Variants in CRYAB observed in about 807,000 individuals in gnomAD.
CRYAB encodes crystallin alpha B.
CRYAB carries 9 observed loss-of-function variants against 12.7 expected under a neutral mutation model. That is an observed-to-expected ratio of 0.71 (90% CI 0.43 to 1.24). The LOEUF is 1.24. Among genes scored for constraint, CRYAB ranks in the 50% most tolerant of loss-of-function variants. The pLI is 0.00. For synonymous variants in CRYAB, 93 were observed against 86.8 expected (o/e 1.07, Z -0.40); for missense variants, 183 against 226.6 (o/e 0.81, Z 1.24).
At chr11:111,921,866 T>G (rs1555166595) in intron 1 of CRYAB, among the ~76,000 whole-genome samples, 1 of 152,194 alleles carries the variant, frequency 6.6e-6, no homozygotes, top group Admixed American at 6.5e-5. Flanking sequence ...AGAGTTTTGC[T>G]TTATCTCCCA....
At chr11:111,913,737 C>A, upstream of CRYAB, 1 of 1,614,134 alleles carries the variant, frequency 6.2e-7, no homozygotes, top group Non-Finnish European at 8.5e-7. Flanking sequence ...CGACCCCTGG[C>A]GAGTCCGAGC....
upstream of CRYAB, chr11:111,913,750 C>G (rs782052133): frequency 6.2e-7 from 1 of 1,614,192 alleles, no homozygotes. Context: ...GTCCGAGCTG[C>G]TCTCTCCCAT....
chr11:111,919,618 A>G (rs587639465), intron 1 of CRYAB, among the ~76,000 whole-genome samples: 10 of 152,120 alleles, frequency 6.6e-5, no homozygotes, highest in African/African-American at 1.9e-4. Context: ...GAGAGTAATA[A>G]TTGTAGCACT....
chr11:111,913,158 G>T, upstream of CRYAB: 1 of 606,150 alleles, frequency 1.6e-6, no homozygotes, highest in Non-Finnish European at 3.0e-6. Flanking sequence ...GCCGGCCTGG[G>T]TGTGCCTCCT....
At chr11:111,909,777 G>C (rs1965394055) in intron 2 of CRYAB, 1 of 233,414 alleles carries the variant, frequency 4.3e-6, no homozygotes, top group Admixed American at 5.1e-5. Flanking sequence ...ACAGCTAAAA[G>C]AGAAGTCACA....
chr11:111,918,871 A>G lies in CRYAB; in HGVS notation c.-199+4832T>C, dbSNP rs587634984. On this transcript the variant is annotated intron_variant, in intron 1 of 3. Transcript: ENST00000527950. ...TGCTAGGTTGAAATCTGACACTGACACAGACTCCGGGAGCTGCCGCGGAAA... is the reference window on the plus strand; with the variant it reads ...TGCTAGGTTGAAATCTGACACTGACGCAGACTCCGGGAGCTGCCGCGGAAA... 16 of 1,388,416 alleles carry G rather than the reference A, an allele frequency of 1.2e-5. No homozygotes were observed. In the East Asian group the frequency reaches 3.5e-4, roughly 31 times the overall value. The allele number at this position is 1,388,416 out of a possible 1,614,324, so 86.0% of individuals were successfully genotyped here. A position where few individuals can be genotyped will look rare whatever the true frequency, so the allele number is the denominator to read the frequency against.
rs78589714 is a variant in CRYAB, at chr11:111,910,789, G to C, written c.202-340C>G. 5.6e-3 allele frequency: 2,168 copies of C among 387,664 alleles called. 42 individuals carry two copies. Among genetic ancestry groups the C allele is most frequent in the African/African-American group, 0.041 (2,019 of 48,798 alleles). The allele number at this position is 387,664 out of a possible 1,614,324, so 24.0% of individuals were successfully genotyped here. A position where few individuals can be genotyped will look rare whatever the true frequency, so the allele number is the denominator to read the frequency against. On this transcript the variant is annotated intron_variant, in intron 1 of 2. Transcript: ENST00000650687. ...TTTGTGGTTTGTCTGTGAGACAAAG[G>C]CCTCTTCTTCTGGCTCAGGTCTCTT...
rs1555165555 is a variant in CRYAB at position 111,911,577 on chromosome 11, G to A, written c.148C>T (p.Arg50Trp). 10 of 1,613,210 alleles carry A rather than the reference G, an allele frequency of 6.2e-6. No homozygotes were observed. The highest frequency in any genetic ancestry group is 2.7e-5 in the African/African-American group (2 of 75,038). The change falls in exon 1 of 3, where the codon CGG (arginine) becomes TGG (tryptophan). Residue 50 changes from arginine (R) to tryptophan (W), a missense_variant. Physicochemically the swap from Arg to Trp is moderately radical, Grantham distance 101. This residue lies in a region of CRYAB where 86 missense variants were observed against 96.1 expected (regional missense o/e 0.89). Transcript: ENST00000650687. ...TSTSLSPFYLRPPSFLRAPSW... is the reference protein window; with the variant it reads ...TSTSLSPFYLWPPSFLRAPSW... ...GGTGCCCGCAGGAAGGAGGGTGGCC[G>A]AAGGTAGAAGGGACTCAGGGAAGTA...
chr11:111,919,040 C>T, intron 1 of CRYAB: 10 of 1,613,366 alleles, frequency 6.2e-6, no homozygotes, highest in Non-Finnish European at 8.5e-6. Context: ...GAACATCTAT[C>T]TCTGTTGGTG....
At chr11:111,914,055 T>C (rs782394426), upstream of CRYAB, 2 of 693,330 alleles carry the variant, frequency 2.9e-6, no homozygotes. Flanking sequence ...AGCCTTGGTT[T>C]AGTTTTGGGT....
At chr11:111,912,675 A>ACCC, upstream of CRYAB, 3 of 379,174 alleles carry the variant, frequency 7.9e-6, no homozygotes, top group Non-Finnish European at 1.5e-5. Context: ...CCCCACTCCC[A>ACCC]GCCCCTCCCC....
upstream of CRYAB, chr11:111,911,786 C>A (rs978603406): frequency 5.1e-6 from 6 of 1,166,858 alleles, no homozygotes; most frequent in Non-Finnish European, 6.3e-6. Context: ...CAGCTACAGC[C>A]AGCCCCTTAT....
At chr11:111,909,841 G>A (rs1189059778) in intron 2 of CRYAB, 4 of 323,418 alleles carry the variant, frequency 1.2e-5, no homozygotes, top group African/African-American at 4.2e-5. Flanking sequence ...AAGCAACTAG[G>A]TGTCTGACAG....
intron 1 of CRYAB, chr11:111,919,011 A>C: frequency 6.2e-7 from 1 of 1,614,194 alleles, no homozygotes; most frequent in Non-Finnish European, 8.5e-7. Context: ...GCTGGTGAGT[A>C]GGCTGGAAGG....
upstream of CRYAB, among the ~76,000 whole-genome samples, chr11:111,917,555 C>G (rs1555166190): frequency 6.6e-6 from 1 of 151,396 alleles, no homozygotes; most frequent in South Asian, 2.1e-4. Flanking sequence ...GTAACCCCAG[C>G]ACTTTGGGAG....
chr11:111,917,263 C>T (rs1965610591), upstream of CRYAB, among the ~76,000 whole-genome samples: 1 of 152,158 alleles, frequency 6.6e-6, no homozygotes, highest in African/African-American at 2.4e-5. Flanking sequence ...GCAGTTTGAA[C>T]TGTATCCTGT....
rs781928709 is a variant in CRYAB, at chr11:111,911,661, G to A, written c.64C>T (p.Arg22Cys). ...RPFFPFHSPSRLFDQFFGEHL... is the reference protein window; with the variant it reads ...RPFFPFHSPSCLFDQFFGEHL... Reference sequence around the variant, plus strand: ...TCTCCGAAGAACTGGTCAAAGAGGCGGCTGGGGGAGTGGAAAGGAAAGAAG... The same window carrying A: ...TCTCCGAAGAACTGGTCAAAGAGGCAGCTGGGGGAGTGGAAAGGAAAGAAG... Residue 22 changes from arginine (R) to cysteine (C), a missense_variant, in exon 1 of 3, where the codon CGC becomes TGC. Transcript: ENST00000650687. The A allele has an allele frequency of 3.7e-6, 6 of 1,608,874 alleles. No individual in the cohort carries two copies. Among genetic ancestry groups the A allele is most frequent in the Admixed American group, 3.4e-5 (2 of 59,084 alleles).
intron 1 of CRYAB, among the ~76,000 whole-genome samples, chr11:111,919,474 A>G (rs1394369631): frequency 6.7e-6 from 1 of 149,748 alleles, no homozygotes; most frequent in Non-Finnish European, 1.5e-5. Context: ...TGTCTCAACA[A>G]CAACAACAAC....
rs1315650996 is a variant in CRYAB, at chr11:111,911,572, T to A, written c.153A>T (p.Pro51=). Residue 51 remains proline (P), a synonymous_variant, in exon 1 of 3, where the codon CCA becomes CCT. Transcript: ENST00000650687. The part of the protein sequence containing the change: ...STSLSPFYLR[P]PSFLRAPSWF... The stretch of plus-strand genomic sequence containing the variant: ...AGCTGGGTGCCCGCAGGAAGGAGGG[T>A]GGCCGAAGGTAGAAGGGACTCAGGG... 6.2e-7 allele frequency: 1 copy of A among 1,612,300 alleles called. No homozygotes were observed. The highest frequency in any genetic ancestry group is 1.3e-5 in the African/African-American group (1 of 74,622).
Sources: allele counts gnomAD v4.1 joint callset (sites outside exome capture counted in the v4.1 genomes callset), GRCh38; gene constraint gnomAD v4.1.1; regional missense constraint gnomAD v4.1.1; transcripts MANE v1.5; gene names NCBI Gene and HGNC (gene_info 2026-07-23, HGNC 2026-07-21).